The following TOMM22 variants were observed in gnomAD, a reference collection of about 807,000 sequenced individuals.
The protein encoded by TOMM22 is mitochondrial import receptor subunit TOM22 homolog.
TOMM22 carries 3 observed loss-of-function variants against 17.1 expected under a neutral mutation model. The ratio of observed to expected loss-of-function variants is 0.18; its 90% CI spans 0.08 to 0.45. TOMM22 has a LOEUF of 0.45. Among genes scored for constraint, TOMM22 ranks in the 20% least tolerant of loss-of-function variants. The probability of loss-of-function intolerance (pLI) is 0.99; values close to 1 mark genes in which losing one functional copy is unlikely to be tolerated. For synonymous variants in TOMM22, 91 were observed against 74.0 expected (o/e 1.23, Z -1.18); for missense variants, 159 against 179.5 (o/e 0.89, Z 0.65).
chr22:38,682,464 CTGGGTACGTGCA>C lies in TOMM22; in HGVS notation c.236+28_236+39del, dbSNP rs1569259676. On this transcript the variant is annotated intron_variant, in intron 2 of 3. Coordinates refer to ENST00000216034, the MANE Select transcript of TOMM22 (RefSeq NM_020243.5). ...CAGGTAAGGAACGAGGGCAAAGGCA[CTGGGTACGTGCA>C]TGGGATGGTCGTGGTGCTGTGAAAG... 1.9e-6 allele frequency: 3 copies of C among 1,600,426 alleles called. No homozygotes were observed. The Admixed American group carries it at 5.0e-5, about 27-fold the overall frequency.
In TOMM22 at chr22:38,685,020, C is replaced by T. The variant is rs2092492346; in HGVS notation, c.*1179C>T. The T allele has an allele frequency of 6.6e-6, 1 of 152,066 alleles. No homozygotes were observed. Among genetic ancestry groups the T allele is most frequent in the South Asian group, 2.1e-4 (1 of 4,832 alleles). 9.4% of individuals were successfully genotyped at this position (152,066 alleles called of 1,614,324 possible). A position where few individuals can be genotyped will look rare whatever the true frequency, so the allele number is the denominator to read the frequency against. The stretch of plus-strand genomic sequence containing the variant: ...TAGTCTTGAACTCCTGAGTTCTAGC[C>T]ATCCACCCGCCTCTGGCCCCTCAAA... On this transcript the variant is annotated 3_prime_UTR_variant, in exon 4 of 4. Transcript: ENST00000216034.
chr22:38,683,673 GTAT>G, intron 3 of TOMM22, 91 bp from the exon 4 acceptor site: 1 of 903,906 alleles, frequency 1.1e-6, no homozygotes, highest in South Asian at 1.4e-5. Flanking sequence ...TGTGCTTTCA[GTAT>G]TATTTTTGTA....
In TOMM22 at chr22:38,684,198, CTGT is replaced by C. The variant is rs2092488762; in HGVS notation, c.*359_*361del. ...GGGATGTGCCCCTGACCATTAACGA[CTGT>C]TTTTTTTTTTTTTTTTTAAAGAATG... On this transcript the variant is annotated 3_prime_UTR_variant, in exon 4 of 4. Coordinates refer to ENST00000216034, the MANE Select transcript of TOMM22 (RefSeq NM_020243.5). 1.5e-4 allele frequency: 29 copies of C among 195,572 alleles called. No individual in the cohort carries two copies. The highest frequency in any genetic ancestry group is 5.7e-4 in the East Asian group (5 of 8,834). 12.1% of individuals were successfully genotyped at this position (195,572 alleles called of 1,614,324 possible).
At position 38,682,026 on chromosome 22, in the gene TOMM22, G is replaced by A. The variant is rs2092479838; in HGVS notation, c.48G>A (p.Pro16=). The change falls in exon 1 of 4, where the codon CCG becomes CCA. Residue 16 remains proline (P), a synonymous_variant. Coordinates refer to ENST00000216034, the MANE Select transcript of TOMM22 (RefSeq NM_020243.5). ...CCGGTGCAGGGGAACCCCAGTCCCC[G>A]GACGAATTGCTCCCGAAAGGCGACG... ...AAAGAGEPQS[P]DELLPKGDAE... 1.2e-6 allele frequency: 2 copies of A among 1,610,120 alleles called. No homozygotes were observed. The highest frequency in any genetic ancestry group is 1.3e-5 in the African/African-American group (1 of 74,842).
rs759941495 is a variant in TOMM22 at position 38,681,963 on chromosome 22, G to C, written c.-16G>C. ...CTGCGCTCACCTCCTTTCCGCTTCC[G>C]GTGTCCCCTACAGTCATGGCTGCCG... On this transcript the variant is annotated 5_prime_UTR_variant, in exon 1 of 4. Transcript: ENST00000216034. 2.5e-5 allele frequency: 40 copies of C among 1,600,236 alleles called. No homozygotes were observed. Among genetic ancestry groups the C allele is most frequent in the Non-Finnish European group, 3.1e-5 (36 of 1,169,588 alleles).
In TOMM22 at chr22:38,682,108, C is replaced by T; in HGVS notation, c.117+13C>T. On this transcript the variant is annotated intron_variant, in intron 1 of 3. Coordinates refer to ENST00000216034, the MANE Select transcript of TOMM22 (RefSeq NM_020243.5). ...CGACGATGAGGAGGTACTAGGGCCT[C>T]GCGGGGTGCAGAGCGGGAAGCGGGC... 1 of 1,566,238 alleles carries T rather than the reference C, an allele frequency of 6.4e-7. No individual in the cohort carries two copies.
chr22:38,682,508 G>A (rs2092482029), intron 2 of TOMM22, 67 bp downstream of exon 2: 1 of 1,442,388 alleles, frequency 6.9e-7, no homozygotes, highest in African/African-American at 1.4e-5. Context: ...AAAGAACACG[G>A]GGTTTGGAAG....
In TOMM22 at chr22:38,683,960, G is replaced by GGT; in HGVS notation, c.*121_*122dup. 1 of 782,456 alleles carries GGT rather than the reference G, an allele frequency of 1.3e-6. No homozygotes were observed. Among genetic ancestry groups the GGT allele is most frequent in the Non-Finnish European group, 2.1e-6 (1 of 485,952 alleles). 48.5% of individuals were successfully genotyped at this position (782,456 alleles called of 1,614,324 possible). A position where few individuals can be genotyped will look rare whatever the true frequency, so the allele number is the denominator to read the frequency against. Reference sequence around the variant, plus strand: ...TTGGCACATTGATCTATCTAAACCTGGTGGGGAGAATTATCCCCACATTGT... The same window carrying GGT: ...TTGGCACATTGATCTATCTAAACCTGGTGTGGGGAGAATTATCCCCACATTGT... On this transcript the variant is annotated 3_prime_UTR_variant, in exon 4 of 4. Transcript: ENST00000216034.
At chr22:38,683,073 T>C (rs1006506560) in intron 3 of TOMM22, 77 bp downstream of exon 3, 3 of 1,097,036 alleles carry the variant, frequency 2.7e-6, no homozygotes, top group Non-Finnish European at 3.8e-6. Flanking sequence ...CCCAACCTTT[T>C]TGGCACCAGG....
chr22:38,683,750 C>T lies in TOMM22; in HGVS notation c.355-17C>T, dbSNP rs1051592355. The stretch of plus-strand genomic sequence containing the variant: ...TAGGCCTGTATGATGCCTTACACCC[C>T]TCCTTTTCTTTTCCAGATACTTCTA... On this transcript the variant is annotated splice_polypyrimidine_tract_variant and intron_variant, in intron 3 of 3. Coordinates refer to ENST00000216034, the MANE Select transcript of TOMM22 (RefSeq NM_020243.5). 8.1e-6 allele frequency: 13 copies of T among 1,611,392 alleles called. No individual in the cohort carries two copies. The highest frequency in any genetic ancestry group is 1.1e-5 in the Non-Finnish European group (13 of 1,177,576).
rs1180190394 is a variant in TOMM22, at chr22:38,682,789, A to G, written c.237-90A>G. 12 of 1,057,744 alleles carry G rather than the reference A, an allele frequency of 1.1e-5. No individual in the cohort carries two copies. In the Admixed American group the frequency reaches 2.1e-4, roughly 18 times the overall value. The allele number at this position is 1,057,744 out of a possible 1,614,324, so 65.5% of individuals were successfully genotyped here. On this transcript the variant is annotated intron_variant, in intron 2 of 3. Transcript: ENST00000216034. Reference sequence around the variant, plus strand: ...ATACGTTTATCAAAAACATTGGAGTATGTAATGTGAGAGGTTTGGTTACTG... The same window carrying G: ...ATACGTTTATCAAAAACATTGGAGTGTGTAATGTGAGAGGTTTGGTTACTG...
rs1219289542 is a variant in TOMM22, at chr22:38,681,975, A to G, written c.-4A>G. 1.9e-6 allele frequency: 3 copies of G among 1,612,118 alleles called. No homozygotes were observed. Among genetic ancestry groups the G allele is most frequent in the Admixed American group, 3.3e-5 (2 of 59,952 alleles). ...CCTTTCCGCTTCCGGTGTCCCCTAC[A>G]GTCATGGCTGCCGCCGTCGCTGCTG... On this transcript the variant is annotated 5_prime_UTR_variant, in exon 1 of 4. Coordinates refer to ENST00000216034, the MANE Select transcript of TOMM22 (RefSeq NM_020243.5).
At chr22:38,683,647 C>T in intron 3 of TOMM22, 120 bp from the exon 4 acceptor site, 1 of 735,462 alleles carries the variant, frequency 1.4e-6, no homozygotes, top group Non-Finnish European at 2.3e-6. Flanking sequence ...GGCCCATGCT[C>T]TTTTAGTTGT....
In TOMM22 at chr22:38,682,937, G is replaced by T; in HGVS notation, c.295G>T (p.Val99Phe). The T allele has an allele frequency of 6.2e-7, 1 of 1,613,684 alleles. No individual in the cohort carries two copies. Among genetic ancestry groups the T allele is most frequent in the Non-Finnish European group, 8.5e-7 (1 of 1,179,842 alleles). ...TTCCTTTATGATCCTGGTTCTTCCC[G>T]TTGTCTTTGAGACGGAGAAGTTGCA... ...TTSFMILVLP[V>F]VFETEKLQME... Residue 99 changes from valine to phenylalanine, a missense_variant, in exon 3 of 4, where the codon GTT becomes TTT. Around this residue, in one of 3 missense-constraint regions of TOMM22, gnomAD observed 19 missense variants for 44.6 expected, o/e 0.43. Transcript: ENST00000216034.
At chr22:38,683,148 G>A (rs1162874864) in intron 3 of TOMM22, 152 bp downstream of exon 3, 1 of 521,554 alleles carries the variant, frequency 1.9e-6, no homozygotes. Flanking sequence ...GGGTCGGGGG[G>A]GGGGTTCTGG....
At chr22:38,682,225 G>A (rs1486140051) in intron 1 of TOMM22, 98 bp from the exon 2 acceptor site, 3 of 1,501,400 alleles carry the variant, frequency 2.0e-6, no homozygotes, top group Non-Finnish European at 2.7e-6. Flanking sequence ...GGCCCTGGGT[G>A]CCCTAGCTCC....
In TOMM22 at chr22:38,682,428, C is replaced by G. The variant is rs1462056271; in HGVS notation, c.223C>G (p.Gln75Glu). 2.5e-6 allele frequency: 4 copies of G among 1,613,954 alleles called. No individual in the cohort carries two copies. The highest frequency in any genetic ancestry group is 1.6e-4 in the Middle Eastern group (1 of 6,084). ...ATFDLSLFVA[Q>E]KMYRFSRAAL... ...TTTTGATCTTTCCCTCTTTGTGGCTCAGAAAATGTACAGGTAAGGAACGAG... is the reference window on the plus strand; with the variant it reads ...TTTTGATCTTTCCCTCTTTGTGGCTGAGAAAATGTACAGGTAAGGAACGAG... The change falls in exon 2 of 4, where the codon CAG becomes GAG. Residue 75 changes from glutamine (Q) to glutamate (E), a missense_variant. This residue lies in a region of TOMM22 where 107 missense variants were observed against 100.2 expected (regional missense o/e 1.07). Coordinates refer to ENST00000216034, the MANE Select transcript of TOMM22 (RefSeq NM_020243.5).
Position 38,684,122 on chromosome 22 carries a change from A to C in TOMM22, c.*281A>C. On this transcript the variant is annotated 3_prime_UTR_variant, in exon 4 of 4. Coordinates refer to ENST00000216034, the MANE Select transcript of TOMM22 (RefSeq NM_020243.5). ...GACTCCTTTCACCAAATTGCTCCTA[A>C]CTGGAAGATCTCACTTTCCCCTTGT... The C allele has an allele frequency of 2.7e-6, 1 of 377,056 alleles. No homozygotes were observed. Among genetic ancestry groups the C allele is most frequent in the East Asian group, 3.8e-5 (1 of 26,038 alleles). The allele number at this position is 377,056 out of a possible 1,614,324, so 23.4% of individuals were successfully genotyped here.
chr22:38,682,052 C>G lies in TOMM22; in HGVS notation c.74C>G (p.Ala25Gly). The G allele has an allele frequency of 2.5e-6, 4 of 1,602,588 alleles. No homozygotes were observed. Among genetic ancestry groups the G allele is most frequent in the Non-Finnish European group, 3.4e-6 (4 of 1,174,842 alleles). Residue 25 changes from alanine to glycine, a missense_variant, in exon 1 of 4, where the codon GCG (alanine) becomes GGG (glycine). By Grantham distance (60) the Ala-to-Gly change is moderately conservative. This residue lies in a region of TOMM22 where 107 missense variants were observed against 100.2 expected (regional missense o/e 1.07). Transcript: ENST00000216034. Reference sequence around the variant, plus strand: ...GACGAATTGCTCCCGAAAGGCGACGCGGAGAAGCCTGAGGAGGAGCTGGAG... The same window carrying G: ...GACGAATTGCTCCCGAAAGGCGACGGGGAGAAGCCTGAGGAGGAGCTGGAG... Reference protein sequence around the residue: ...SPDELLPKGDAEKPEEELEED... With the variant: ...SPDELLPKGDGEKPEEELEED...
Sources: gnomAD v4.1 joint callset for allele counts on GRCh38, gnomAD v4.1.1 for gene constraint, gnomAD v4.1.1 regional missense constraint, MANE v1.5 for transcripts, NCBI Gene and HGNC (gene_info 2026-07-23, HGNC 2026-07-21) for gene names.